PRRC2B: variants seen among roughly 807,000 people sequenced by gnomAD.
The protein encoded by PRRC2B is proline rich coiled-coil 2B.
Under a neutral mutation model 242.3 loss-of-function variants are expected in PRRC2B, and 68 were observed. The ratio of observed to expected loss-of-function variants is 0.28; its 90% confidence interval spans 0.23 to 0.34. The LOEUF (loss-of-function observed/expected upper bound fraction) is 0.34. PRRC2B is among the 10% of genes least tolerant of loss of function. The probability of loss-of-function intolerance (pLI) is 1.00; values close to 1 mark genes in which losing one functional copy is unlikely to be tolerated. For synonymous variants in PRRC2B, 1,228 were observed against 1,173.6 expected, an observed-to-expected ratio of 1.05 and a Z score of -0.95; for missense variants, 2,835 against 2,954.8, an observed-to-expected ratio of 0.96 and a Z score of 0.94.
intron 5 of PRRC2B, among the ~76,000 whole-genome samples, chr9:131,440,065 T>C (rs971913972): frequency 6.6e-6 from 1 of 152,056 alleles, no homozygotes; most frequent in Admixed American, 6.6e-5. Context: ...TATTGATTAA[T>C]TGATTGACTG....
At chr9:131,387,967 G>A (rs192579223) in intron 1 of PRRC2B, among the ~76,000 whole-genome samples, 14 of 150,590 alleles carry the variant, frequency 9.3e-5, no homozygotes, top group African/African-American at 2.9e-4. Context: ...CAGGTGGGTG[G>A]ATCACTTGAG....
At chr9:131,404,328 T>G (rs1469909368) in intron 1 of PRRC2B, among the ~76,000 whole-genome samples, 5 of 151,454 alleles carry the variant, frequency 3.3e-5, no homozygotes, top group Non-Finnish European at 5.9e-5. Context: ...CAAGCAATTC[T>G]TCTGCCTCAG....
At chr9:131,443,706 C>T (rs1413036602) in intron 5 of PRRC2B, among the ~76,000 whole-genome samples, 1 of 152,194 alleles carries the variant, frequency 6.6e-6, no homozygotes, top group African/African-American at 2.4e-5. Flanking sequence ...GCTAGGATTA[C>T]AGGTGTGAGC....
intron 26 of PRRC2B, 187 bp downstream of exon 26, chr9:131,486,369 A>G: frequency 2.0e-6 from 1 of 503,474 alleles, no homozygotes; most frequent in Non-Finnish European, 2.6e-6. Context: ...GAGACAGGGA[A>G]GAGGAGTGGA....
intron 1 of PRRC2B, among the ~76,000 whole-genome samples, chr9:131,405,481 T>G (rs1564274998): frequency 1.3e-5 from 2 of 152,194 alleles, no homozygotes. Flanking sequence ...CTTTTGCAGC[T>G]CCTGATAGTG....
In PRRC2B at chr9:131,379,255, C is replaced by T. The variant is rs192909458; in HGVS notation, c.-56+5524C>T. Among the ~76,000 whole-genome samples, 3 of 152,188 alleles carry T rather than the reference C, an allele frequency of 2.0e-5. No individual in the cohort carries two copies. The East Asian group carries it at 5.8e-4, about 29-fold the overall frequency. On this transcript the variant is annotated intron_variant, in intron 1 of 1. Transcript: ENST00000682525. The stretch of plus-strand genomic sequence containing the variant: ...TGTGAATAATGATGATATGAACATT[C>T]GTGTATACTTTTTTGTTAGAACATC...
intron 15 of PRRC2B, 101 bp from the exon 16 acceptor site, chr9:131,474,341 GTGTTTTAGTTTT>G (rs550529519): frequency 8.1e-5 from 72 of 893,820 alleles, no homozygotes; most frequent in African/African-American, 6.7e-4. Flanking sequence ...TTTTTAAAAA[GTGTTTTAGTTTT>G]TGTTTTTGTT....
intron 1 of PRRC2B, among the ~76,000 whole-genome samples, chr9:131,419,769 A>T (rs1009680429): frequency 6.6e-6 from 1 of 151,994 alleles, no homozygotes; most frequent in Non-Finnish European, 1.5e-5. Flanking sequence ...GCGAGATGCA[A>T]ACCCAGTGTT....
chr9:131,465,523 G>C (rs1173070384), intron 12 of PRRC2B, among the ~76,000 whole-genome samples: 1 of 152,184 alleles, frequency 6.6e-6, no homozygotes, highest in Non-Finnish European at 1.5e-5. Flanking sequence ...GCACGCTCCA[G>C]TTTCTGGGAC....
At chr9:131,422,546 A>T (rs990865118) in intron 1 of PRRC2B, among the ~76,000 whole-genome samples, 3 of 152,214 alleles carry the variant, frequency 2.0e-5, no homozygotes, top group Non-Finnish European at 2.9e-5. Context: ...TTCCTGGTGA[A>T]TGACAGGTCA....
intron 6 of PRRC2B, among the ~76,000 whole-genome samples, chr9:131,445,877 C>T (rs1838784898): frequency 6.6e-6 from 1 of 152,228 alleles, no homozygotes; most frequent in Non-Finnish European, 1.5e-5. Context: ...CTGTGAGCTA[C>T]GCAAGTGCCC....
At position 131,486,162 on chromosome 9, in the gene PRRC2B, C is replaced by G. The variant is rs770012510; in HGVS notation, c.5836C>G (p.Gln1946Glu). ...CCGGCTGGTTCCTCAAACGATACCT[C>G]AGCAGCAGAGTTACCAACAGGTGAC... ...QPRLVPQTIP[Q>E]QQSYQQAAAA... The change falls in exon 26 of 32, where the codon CAG (glutamine) becomes GAG (glutamate). Residue 1946 changes from glutamine (Q) to glutamate (E), a missense_variant. This residue lies in a region of PRRC2B where 574 missense variants were observed against 626.0 expected (regional missense o/e 0.92). Transcript: ENST00000683519. 3 of 1,611,382 alleles carry G rather than the reference C, an allele frequency of 1.9e-6. No individual in the cohort carries two copies. Among genetic ancestry groups the G allele is most frequent in the South Asian group, 1.1e-5 (1 of 90,510 alleles).
At chr9:131,383,600 CTTTTT>C (rs561717754) in intron 1 of PRRC2B, among the ~76,000 whole-genome samples, 2 of 120,628 alleles carry the variant, frequency 1.7e-5, no homozygotes, top group Non-Finnish European at 3.3e-5. Context: ...TTTGGTTTCT[CTTTTT>C]TTTTTTTTTT....
chr9:131,478,090 G>T, intron 17 of PRRC2B, 141 bp downstream of exon 17: 2 of 697,646 alleles, frequency 2.9e-6, no homozygotes, highest in East Asian at 2.7e-5. Flanking sequence ...TGGGTTCTGG[G>T]GCTGTAGAGG....
intron 1 of PRRC2B, among the ~76,000 whole-genome samples, chr9:131,380,076 T>A (rs1473815462): frequency 6.8e-6 from 1 of 147,394 alleles, no homozygotes; most frequent in Non-Finnish European, 1.5e-5. Context: ...CACTGCAACC[T>A]CTGCCTCCTG....
At chr9:131,401,805 C>T (rs747984422) in intron 1 of PRRC2B, among the ~76,000 whole-genome samples, 65 of 148,882 alleles carry the variant, frequency 4.4e-4, no homozygotes, top group Non-Finnish European at 8.1e-4. Flanking sequence ...GGATTACAAG[C>T]GCCTGCCACC....
In PRRC2B at chr9:131,473,638, A is replaced by G. The variant is rs374378603; in HGVS notation, c.2238A>G (p.Pro746=). The G allele has an allele frequency of 4.0e-5, 64 of 1,613,784 alleles. No individual in the cohort carries two copies. The Admixed American group carries it at 8.0e-4, about 20-fold the overall frequency. The change falls in exon 15 of 32, where the codon CCA becomes CCG. Residue 746 remains proline, a synonymous_variant. Transcript: ENST00000683519. The part of the protein sequence containing the change: ...TPIDSPPVWS[P]EGYMALQSKG... ...TCGACTCACCCCCTGTGTGGAGCCCAGAGGGCTACATGGCACTGCAGAGCA... is the reference window on the plus strand; with the variant it reads ...TCGACTCACCCCCTGTGTGGAGCCCGGAGGGCTACATGGCACTGCAGAGCA...
chr9:131,466,610 G>A (rs1277412067), intron 12 of PRRC2B, among the ~76,000 whole-genome samples: 2 of 140,148 alleles, frequency 1.4e-5, no homozygotes, highest in African/African-American at 5.2e-5. Flanking sequence ...GTTCATGGCT[G>A]TTCTCTATCA....
In PRRC2B at chr9:131,446,318, G is replaced by T. The variant is rs1447350978; in HGVS notation, c.614-83G>T. On this transcript the variant is annotated intron_variant, in intron 6 of 31. Coordinates refer to ENST00000683519, the MANE Select transcript of PRRC2B (RefSeq NM_013318.4). This position sits in a 1 kb window ranked among gnomAD's most constrained non-coding sequence, Gnocchi z 4.1. ...ATTTTATTTTTTTGGTGAAGGAGGG[G>T]GTCCCTTGACCTTCAGAACCTCATA... 1.3e-6 allele frequency: 2 copies of T among 1,485,322 alleles called. No individual in the cohort carries two copies. The highest frequency in any genetic ancestry group is 1.8e-6 in the Non-Finnish European group (2 of 1,101,684). 92.0% of individuals were successfully genotyped at this position (1,485,322 alleles called of 1,614,324 possible).
Sources: gnomAD v4.1 joint callset for allele counts (sites outside exome capture counted in the v4.1 genomes callset) on GRCh38, gnomAD v4.1.1 for gene constraint, gnomAD v4.1.1 regional missense constraint, Gnocchi (gnomAD v3.1) non-coding constraint, MANE v1.5 for transcripts, NCBI Gene and HGNC (gene_info 2026-07-23, HGNC 2026-07-21) for gene names.